AFF4: variants seen among roughly 807,000 people sequenced by gnomAD.
AFF4 encodes AF4/FMR2 family member 4.
Under a neutral mutation model 124.8 loss-of-function variants are expected in AFF4, and 13 were observed. The observed-to-expected ratio is 0.10, with a 90% CI of 0.07 to 0.17. AFF4 has a LOEUF of 0.17. AFF4 is among the 10% of genes least tolerant of loss of function. The pLI is 1.00. For synonymous variants in AFF4, 477 were observed against 496.1 expected, an observed-to-expected ratio of 0.96 and a Z score of 0.51; for missense variants, 1,092 against 1,403.8, an observed-to-expected ratio of 0.78 and a Z score of 3.55.
rs1760268772 is a variant in AFF4, at chr5:132,891,932, C to T, written c.2637+232G>A. 3 of 634,372 alleles carry T rather than the reference C, an allele frequency of 4.7e-6. No individual in the cohort carries two copies. In the Admixed American group the frequency reaches 8.8e-5, roughly 19 times the overall value. The allele number at this position is 634,372 out of a possible 1,614,324, so 39.3% of individuals were successfully genotyped here. A position where few individuals can be genotyped will look rare whatever the true frequency, so the allele number is the denominator to read the frequency against. ...AAATAGCTGGGACTACAGGTATGAG[C>T]CACTGTACCCAAGGGTTTTTCTTTC... On this transcript the variant is annotated intron_variant, in intron 13 of 20. Transcript: ENST00000265343.
chr5:132,888,530 A>G (rs760806922), intron 14 of AFF4, among the ~76,000 whole-genome samples: 16 of 152,186 alleles, frequency 1.1e-4, no homozygotes, highest in Non-Finnish European at 1.5e-4. Flanking sequence ...TTTAACAGTG[A>G]TATCAGCAGT....
intron 1 of AFF4, among the ~76,000 whole-genome samples, chr5:132,950,572 C>T (rs1761819799): frequency 6.6e-6 from 1 of 152,080 alleles, no homozygotes; most frequent in Non-Finnish European, 1.5e-5. Flanking sequence ...TCGCTTGAAC[C>T]CAGGAGGCAG....
chr5:132,901,372 G>A (rs1010178925), intron 7 of AFF4, among the ~76,000 whole-genome samples: 1 of 152,190 alleles, frequency 6.6e-6, no homozygotes, highest in African/African-American at 2.4e-5. Context: ...CAGCAGTGAA[G>A]GGGGTACTTC....
chr5:132,933,644 G>A (rs1294528674), intron 3 of AFF4, among the ~76,000 whole-genome samples: 1 of 152,148 alleles, frequency 6.6e-6, no homozygotes, highest in African/African-American at 2.4e-5. Context: ...TGAACCTGGA[G>A]CAGCTGTCTT....
At position 132,932,221 on chromosome 5, in the gene AFF4, G is replaced by A; in HGVS notation, c.920C>T (p.Ala307Val). 1 of 1,605,788 alleles carries A rather than the reference G, an allele frequency of 6.2e-7. No homozygotes were observed. Among genetic ancestry groups the A allele is most frequent in the Non-Finnish European group, 8.5e-7 (1 of 1,176,718 alleles). ...ACAGCTCACATCACCAGAAGCTGAT[G>A]CCTTGAAAGAAAAAGCAGCACACAT... ...KLKIPSQPLD[A>V]SASGDVSCVD... is the part of the protein sequence containing the mutation. Residue 307 changes from alanine to valine, a missense_variant and splice_region_variant, in exon 4 of 21, where the codon GCA becomes GTA. Physicochemically the swap from Ala to Val is moderately conservative, Grantham distance 64. This residue lies in a region of AFF4 where 148 missense variants were observed against 196.3 expected (regional missense o/e 0.75). Transcript: ENST00000265343.
intron 5 of AFF4, 56 bp from the exon 6 acceptor site, chr5:132,904,460 G>A (rs1339840137): frequency 4.9e-6 from 7 of 1,418,120 alleles, no homozygotes; most frequent in Admixed American, 2.0e-5. Flanking sequence ...AAAGATTAGT[G>A]AAAAATGCTT....
chr5:132,950,682 G>T (rs545798935), intron 1 of AFF4, among the ~76,000 whole-genome samples: 2 of 151,990 alleles, frequency 1.3e-5, no homozygotes, highest in African/African-American at 4.8e-5. Flanking sequence ...AAAAACAATG[G>T]AAGAAAAATA....
At chr5:132,945,213 C>T (rs542215200) in intron 1 of AFF4, 1 of 152,260 alleles carries the variant, frequency 6.6e-6, no homozygotes, top group African/African-American at 2.4e-5. Context: ...GTTTTGTGAT[C>T]CATTTTCAGT....
At chr5:132,935,052 G>A in intron 2 of AFF4, 111 bp from the exon 3 acceptor site, 1 of 803,130 alleles carries the variant, frequency 1.2e-6, no homozygotes, top group Non-Finnish European at 1.8e-6. Context: ...TTCAAAGGGA[G>A]GCTTTACCTC....
At chr5:132,959,122 T>G (rs2150115947) in intron 1 of AFF4, among the ~76,000 whole-genome samples, 1 of 140,188 alleles carries the variant, frequency 7.1e-6, no homozygotes, top group Admixed American at 7.4e-5. Context: ...TTCCTCAGGT[T>G]ACAGATTTTT....
chr5:132,883,635 C>A, intron 19 of AFF4, 75 bp from the exon 20 acceptor site: 2 of 1,312,956 alleles, frequency 1.5e-6, no homozygotes, highest in Non-Finnish European at 2.1e-6. Flanking sequence ...CTAGCTCTTT[C>A]TACATGAAAG....
chr5:132,883,316 AAGTTTATCC>A lies in AFF4; in HGVS notation c.3364+15_3364+23del. Reference sequence around the variant, plus strand: ...TTCCTTCTAACAATTCCATCCCTTGAAGTTTATCCAGAAACCTACCTACCTTTTTGCTCT... The same window carrying A: ...TTCCTTCTAACAATTCCATCCCTTGAAGAAACCTACCTACCTTTTTGCTCT... On this transcript the variant is annotated intron_variant, in intron 20 of 20. Coordinates refer to ENST00000265343, the MANE Select transcript of AFF4 (RefSeq NM_014423.4). The A allele has an allele frequency of 6.2e-7, 1 of 1,603,720 alleles. No individual in the cohort carries two copies. Among genetic ancestry groups the A allele is most frequent in the Non-Finnish European group, 8.5e-7 (1 of 1,171,034 alleles).
chr5:132,892,999 C>T (rs753758199), intron 12 of AFF4, 31 bp downstream of exon 12: 2 of 1,594,278 alleles, frequency 1.3e-6, no homozygotes, highest in East Asian at 2.2e-5. Context: ...ATATTAACAA[C>T]ACTGGCATGC....
intron 1 of AFF4, among the ~76,000 whole-genome samples, chr5:132,948,134 T>C (rs993820483): frequency 2.0e-5 from 3 of 151,976 alleles, no homozygotes; most frequent in Non-Finnish European, 4.4e-5. Flanking sequence ...CACTGCAACC[T>C]CCGCCTCCTG....
At position 132,880,078 on chromosome 5, in the gene AFF4, T is replaced by A. The variant is rs1561476042; in HGVS notation, c.*981A>T. ...GAGGGGGAAAAATCTGAAAAATAAC[T>A]CTAACTATCAAAGATAATCAATTAA... On this transcript the variant is annotated 3_prime_UTR_variant, in exon 21 of 21. Transcript: ENST00000265343. 1.8e-5 allele frequency: 7 copies of A among 396,558 alleles called. No homozygotes were observed. Among genetic ancestry groups the A allele is most frequent in the Non-Finnish European group, 3.1e-5 (7 of 225,306 alleles). The allele number at this position is 396,558 out of a possible 1,614,324, so 24.6% of individuals were successfully genotyped here. A position where few individuals can be genotyped will look rare whatever the true frequency, so the allele number is the denominator to read the frequency against.
At chr5:132,923,257 A>G (rs1761093260) in intron 5 of AFF4, among the ~76,000 whole-genome samples, 1 of 152,062 alleles carries the variant, frequency 6.6e-6, no homozygotes, top group Admixed American at 6.6e-5. Context: ...AGGCTGAGGC[A>G]GGAGGATCAC....
At chr5:132,920,444 C>T (rs1561495458) in intron 5 of AFF4, among the ~76,000 whole-genome samples, 2 of 151,244 alleles carry the variant, frequency 1.3e-5, no homozygotes, top group Non-Finnish European at 2.9e-5. Flanking sequence ...GCAGCCTCAA[C>T]CTCCCAAGCT....
chr5:132,930,355 T>G (rs1301204331), intron 4 of AFF4, among the ~76,000 whole-genome samples: 1 of 151,644 alleles, frequency 6.6e-6, no homozygotes, highest in Non-Finnish European at 1.5e-5. Flanking sequence ...GCAAGAAAGG[T>G]GGAAGGCAAA....
chr5:132,918,534 C>T (rs936550349), intron 5 of AFF4, among the ~76,000 whole-genome samples: 8 of 151,564 alleles, frequency 5.3e-5, no homozygotes, highest in African/African-American at 4.8e-5. Context: ...TCATGGTGGG[C>T]GCCTGTAATC....
Sources: allele counts gnomAD v4.1 joint callset (sites outside exome capture counted in the v4.1 genomes callset), GRCh38; gene constraint gnomAD v4.1.1; regional missense constraint gnomAD v4.1.1; transcripts MANE v1.5; gene names NCBI Gene and HGNC (gene_info 2026-07-23, HGNC 2026-07-21).